The following MXRA8 variants were observed in gnomAD, a reference collection of about 807,000 sequenced individuals.
MXRA8 encodes the protein matrix remodeling-associated protein 8.
Under a neutral mutation model 51.4 loss-of-function variants are expected in MXRA8, and 44 were observed. That is an observed-to-expected ratio of 0.86 (90% CI 0.67 to 1.10). The LOEUF (loss-of-function observed/expected upper bound fraction) is 1.10. Ranked by LOEUF, MXRA8 falls within the 50% of genes least tolerant of loss-of-function variation. The pLI, the probability that MXRA8 is intolerant of heterozygous loss-of-function variation, is 0.00. For missense variants in MXRA8, 765 were observed against 638.9 expected (o/e 1.20, Z -2.13); for synonymous variants, 369 against 293.5 (o/e 1.26, Z -2.63).
chr1:1,353,392 C>A lies in MXRA8; in HGVS notation c.*212G>T, dbSNP rs938945281. ...TGTGCCAGGGGTGGGCAGGGCCACC[C>A]GTGAGCAAAGGCCGCAGGGGTGGGG... On this transcript the variant is annotated 3_prime_UTR_variant, in exon 10 of 10. Coordinates refer to ENST00000309212, the MANE Select transcript of MXRA8 (RefSeq NM_032348.4). 2.0e-6 allele frequency: 3 copies of A among 1,538,046 alleles called. No homozygotes were observed. The highest frequency in any genetic ancestry group is 2.8e-5 in the African/African-American group (2 of 72,386).
At position 1,353,362 on chromosome 1, in the gene MXRA8, T is replaced by C; in HGVS notation, c.*242A>G. The stretch of plus-strand genomic sequence containing the variant: ...GGGCATGATGGGCATCAGTGGGATT[T>C]TGGTTGTGCCAGGGGTGGGCAGGGC... On this transcript the variant is annotated 3_prime_UTR_variant, in exon 10 of 10. Transcript: ENST00000309212. 1.3e-6 allele frequency: 2 copies of C among 1,547,014 alleles called. No homozygotes were observed. The highest frequency in any genetic ancestry group is 1.7e-6 in the Non-Finnish European group (2 of 1,144,870).
chr1:1,361,647 C>G (rs953113017), upstream of MXRA8: 1 of 329,734 alleles, frequency 3.0e-6, no homozygotes, highest in Admixed American at 4.3e-5. Flanking sequence ...GGCTCGAGGA[C>G]AAACCGTATT....
In MXRA8 at chr1:1,355,284, G is replaced by C. The variant is rs142988174; in HGVS notation, c.438C>G (p.Leu146=). 6.5e-5 allele frequency: 102 copies of C among 1,577,506 alleles called. No homozygotes were observed. The African/African-American group carries it at 1.4e-3, about 21-fold the overall frequency. The change falls in exon 4 of 10, where the codon CTC becomes CTG. Residue 146 remains leucine (L), a synonymous_variant. Transcript: ENST00000309212. The part of the protein sequence containing the change: ...TCNLHHHYCH[L]YESLAVRLEV... ...CCAGGCGGACGGCCAGGCTCTCGTA[G>C]AGGTGGCAGTAGTGATGGTGCAGGT...
At position 1,354,227 on chromosome 1, in the gene MXRA8, C is replaced by G. The variant is rs763466470; in HGVS notation, c.1111G>C (p.Glu371Gln). The G allele has an allele frequency of 1.9e-6, 3 of 1,612,262 alleles. No homozygotes were observed. The highest frequency in any genetic ancestry group is 2.5e-6 in the Non-Finnish European group (3 of 1,179,878). ...TTTCCCGACTTCTGGTCCGAGTATT[C>G]GTAGCCTGGGAAGGAGACTCACATT... ...LAARRRRGGY[E>Q]YSDQKSGKSK... Residue 371 changes from glutamate (E) to glutamine (Q), a missense_variant, in exon 7 of 10, where the codon GAA (glutamate) becomes CAA (glutamine). Glu to Gln is a conservative substitution (Grantham distance 29). Coordinates refer to ENST00000309212, the MANE Select transcript of MXRA8 (RefSeq NM_032348.4).
Position 1,354,083 on chromosome 1 carries a change from A to T in MXRA8, c.1169T>A (p.Phe390Tyr). Residue 390 changes from phenylalanine (F) to tyrosine (Y), a missense_variant, in exon 8 of 10, where the codon TTC becomes TAC. Coordinates refer to ENST00000309212, the MANE Select transcript of MXRA8 (RefSeq NM_032348.4). Reference protein sequence around the residue: ...SKGKDVNLAEFAVAAGDQMLY... With the variant: ...SKGKDVNLAEYAVAAGDQMLY... ...CATCTGGTCCCCTGCAGCCACAGCG[A>T]ACTCCGCCAAGTTAACATCCTTCCT... 1 of 1,612,966 alleles carries T rather than the reference A, an allele frequency of 6.2e-7. No homozygotes were observed. The highest frequency in any genetic ancestry group is 8.5e-7 in the Non-Finnish European group (1 of 1,179,984).
rs187882245 is a variant in MXRA8, at chr1:1,353,286, C to A, written c.*318G>T. Reference sequence around the variant, plus strand: ...GGCTGCCAGGTTCTGATGGGAGTGTCCTCCAGGAATGTCTTCAGGCCCCCA... The same window carrying A: ...GGCTGCCAGGTTCTGATGGGAGTGTACTCCAGGAATGTCTTCAGGCCCCCA... On this transcript the variant is annotated 3_prime_UTR_variant, in exon 10 of 10. Transcript: ENST00000309212. The A allele has an allele frequency of 6.5e-7, 1 of 1,546,070 alleles. No individual in the cohort carries two copies. The highest frequency in any genetic ancestry group is 2.4e-5 in the East Asian group (1 of 40,896).
rs1177935062 is a variant in MXRA8 at position 1,354,502 on chromosome 1, T to C, written c.957A>G (p.Thr319=). 3 of 1,611,656 alleles carry C rather than the reference T, an allele frequency of 1.9e-6. No individual in the cohort carries two copies. The highest frequency in any genetic ancestry group is 2.5e-6 in the Non-Finnish European group (3 of 1,179,562). ...SHSGAPGPDP[T]LARGHNVINV... ...TGATGACGTTGTGGCCGCGCGCCAGTGTGGGGTCTGCGGGGAACGCGGGGT... is the reference window on the plus strand; with the variant it reads ...TGATGACGTTGTGGCCGCGCGCCAGCGTGGGGTCTGCGGGGAACGCGGGGT... Residue 319 remains threonine (T), a synonymous_variant, in exon 6 of 10, where the codon ACA becomes ACG. Coordinates refer to ENST00000309212, the MANE Select transcript of MXRA8 (RefSeq NM_032348.4).
In MXRA8 at chr1:1,355,572, GCGGGGCCACCCC is replaced by G; in HGVS notation, c.242_253del (p.Gly81_Pro84del). On this transcript the variant is annotated inframe_deletion, in exon 3 of 10. Coordinates refer to ENST00000309212, the MANE Select transcript of MXRA8 (RefSeq NM_032348.4). ...CGAGTACAAGTCCAGCAGGCGCCGCGCGGGGCCACCCCCGGGGCCGCGCAGGTCCCAGTGGAG... is the reference window on the plus strand; with the variant it reads ...CGAGTACAAGTCCAGCAGGCGCCGCGCGGGGCCGCGCAGGTCCCAGTGGAG... 1 of 1,479,660 alleles carries G rather than the reference GCGGGGCCACCCC, an allele frequency of 6.8e-7. No homozygotes were observed. The allele number at this position is 1,479,660 out of a possible 1,614,324, so 91.7% of individuals were successfully genotyped here.
chr1:1,357,937 G>T (rs1238504842), intron 1 of MXRA8, among the ~76,000 whole-genome samples: 1 of 152,110 alleles, frequency 6.6e-6, no homozygotes. Flanking sequence ...GGGCCCGTGG[G>T]TGATAAAAGC....
chr1:1,353,832 C>T lies in MXRA8; in HGVS notation c.1303+16G>A, dbSNP rs764395197. On this transcript the variant is annotated intron_variant, in intron 9 of 9. Transcript: ENST00000309212. ...GCAGGGCTCTGAGATGGGCTGAGGTCGCCCCCGCCGCTCACCTTTGTCTAG... is the reference window on the plus strand; with the variant it reads ...GCAGGGCTCTGAGATGGGCTGAGGTTGCCCCCGCCGCTCACCTTTGTCTAG... 4.5e-6 allele frequency: 7 copies of T among 1,558,768 alleles called. No individual in the cohort carries two copies. Among genetic ancestry groups the T allele is most frequent in the Non-Finnish European group, 6.1e-6 (7 of 1,151,108 alleles).
chr1:1,357,734 C>T (rs868452699), intron 1 of MXRA8, among the ~76,000 whole-genome samples: 33 of 152,156 alleles, frequency 2.2e-4, no homozygotes, highest in African/African-American at 7.2e-4. Context: ...GACTTGAACC[C>T]GGGAGGTGGA....
chr1:1,356,562 G>T, intron 2 of MXRA8, 119 bp downstream of exon 2: 1 of 607,582 alleles, frequency 1.6e-6, no homozygotes, highest in Non-Finnish European at 2.5e-6. Flanking sequence ...GGGTCCTGAT[G>T]AGCAAGGGGG....
rs560786511 is a variant in MXRA8 at position 1,353,360 on chromosome 1, T to C, written c.*244A>G. The C allele has an allele frequency of 5.2e-6, 8 of 1,547,412 alleles. No individual in the cohort carries two copies. The highest frequency in any genetic ancestry group is 1.7e-4 in the Middle Eastern group (1 of 5,968). ...GAGGGCATGATGGGCATCAGTGGGA[T>C]TTTGGTTGTGCCAGGGGTGGGCAGG... On this transcript the variant is annotated 3_prime_UTR_variant, in exon 10 of 10. Transcript: ENST00000309212.
Position 1,353,252 on chromosome 1 carries a change from C to T in MXRA8, c.*352G>A, listed in dbSNP as rs1237794337. ...GGGACTCCTGCCCTGAGGCTGACCC[C>T]AGTTTTGGGGCTGCCAGGTTCTGAT... is the stretch of plus-strand genomic sequence containing the variant. On this transcript the variant is annotated 3_prime_UTR_variant, in exon 10 of 10. Coordinates refer to ENST00000309212, the MANE Select transcript of MXRA8 (RefSeq NM_032348.4). The T allele has an allele frequency of 2.5e-5, 37 of 1,506,432 alleles. No homozygotes were observed. Among genetic ancestry groups the T allele is most frequent in the Admixed American group, 9.8e-5 (5 of 50,874 alleles). 93.3% of individuals were successfully genotyped at this position (1,506,432 alleles called of 1,614,324 possible).
Position 1,354,716 on chromosome 1 carries a change from G to T in MXRA8, c.915C>A (p.Gly305=), listed in dbSNP as rs1365482651. ...HAEPPPRGSP[G]NGSSHSGAPG... ...GGGCGCCGCTGTGGCTGGAGCCGTT[G>T]CCCGGAGAGCCCCGGGGGGGCGGCT... The change falls in exon 5 of 10, where the codon GGC becomes GGA. Residue 305 remains glycine (G), a synonymous_variant. Transcript: ENST00000309212. The T allele has an allele frequency of 3.7e-6, 6 of 1,600,232 alleles. No individual in the cohort carries two copies. The highest frequency in any genetic ancestry group is 5.1e-6 in the Non-Finnish European group (6 of 1,174,680).
At chr1:1,361,930 G>A (rs145396806), upstream of MXRA8, among the ~76,000 whole-genome samples, 2 of 152,362 alleles carry the variant, frequency 1.3e-5, no homozygotes, top group East Asian at 1.9e-4. Flanking sequence ...CCCCAAGGGG[G>A]TCTCAAGATA....
At position 1,355,444 on chromosome 1, in the gene MXRA8, C is replaced by T. The variant is rs1569791002; in HGVS notation, c.376+6G>A. 1 of 1,493,624 alleles carries T rather than the reference C, an allele frequency of 6.7e-7. No individual in the cohort carries two copies. 92.5% of individuals were successfully genotyped at this position (1,493,624 alleles called of 1,614,324 possible). ...ACCCCGCGGCCCCGGTCCCCGGTCC[C>T]CGCACCGCGGATGAGCAGCGAGAAG... On this transcript the variant is annotated splice_donor_region_variant and intron_variant, in intron 3 of 9. Transcript: ENST00000309212.
chr1:1,356,920 G>A (rs1178220978), intron 1 of MXRA8, among the ~76,000 whole-genome samples: 1 of 152,160 alleles, frequency 6.6e-6, no homozygotes, highest in Non-Finnish European at 1.5e-5. Context: ...GGAAGCCAGG[G>A]CATGGGCGTG....
At chr1:1,356,377 AGGCCCTGGTTGGGG>A (rs1644132392) in intron 2 of MXRA8, among the ~76,000 whole-genome samples, 1 of 66,540 alleles carries the variant, frequency 1.5e-5, no homozygotes, top group African/African-American at 6.1e-5. Context: ...CAGACCCCGA[AGGCCCTGGTTGGGG>A]AAGGGGAGTC....
Sources: allele counts gnomAD v4.1 joint callset (sites outside exome capture counted in the v4.1 genomes callset), GRCh38; gene constraint gnomAD v4.1.1; transcripts MANE v1.5; gene names NCBI Gene and HGNC (gene_info 2026-07-23, HGNC 2026-07-21).